Variants in SUGT1 observed in about 807,000 individuals in gnomAD.
The protein encoded by SUGT1 is protein SGT1 homolog.
A neutral mutation model predicts 56.1 loss-of-function variants in SUGT1; 15 were observed. That is an observed-to-expected ratio of 0.27 (90% CI 0.18 to 0.41). The LOEUF is 0.41. SUGT1 is among the 10% of genes least tolerant of loss of function. The pLI is 1.00. For synonymous variants in SUGT1, 123 were observed against 128.6 expected, an observed-to-expected ratio of 0.96 and a Z score of 0.30; for missense variants, 347 against 382.2, an observed-to-expected ratio of 0.91 and a Z score of 0.77.
intron 5 of SUGT1, among the ~76,000 whole-genome samples, chr13:52,659,540 G>A (rs528403761): frequency 6.6e-6 from 1 of 152,012 alleles, no homozygotes; most frequent in African/African-American, 2.4e-5. Flanking sequence ...TAATGGAGAA[G>A]TGAAAGTTTA....
chr13:52,669,290 A>T (rs1962837171), intron 10 of SUGT1, among the ~76,000 whole-genome samples: 1 of 152,206 alleles, frequency 6.6e-6, no homozygotes, highest in African/African-American at 2.4e-5. Context: ...TTTCTATTTA[A>T]GATAAACAAT....
At chr13:52,657,949 T>G in intron 3 of SUGT1, 1 of 442,034 alleles carries the variant, frequency 2.3e-6, no homozygotes. Flanking sequence ...TGGCCAGGCA[T>G]GGTGGCTCAC....
intron 2 of SUGT1, among the ~76,000 whole-genome samples, chr13:52,653,890 A>G (rs1962037684): frequency 6.6e-6 from 1 of 152,236 alleles, no homozygotes; most frequent in Non-Finnish European, 1.5e-5. Flanking sequence ...TTGAGGCAAG[A>G]CAGCGTCTTT....
intron 5 of SUGT1, 21 bp downstream of exon 5, chr13:52,659,270 T>C: frequency 7.4e-7 from 1 of 1,355,432 alleles, no homozygotes; most frequent in African/African-American, 1.6e-5. Context: ...AAAATTATAC[T>C]TTAATAAACT....
chr13:52,659,610 CTTAACA>C (rs1962326404), intron 5 of SUGT1, among the ~76,000 whole-genome samples: 1 of 151,522 alleles, frequency 6.6e-6, no homozygotes, highest in Admixed American at 6.6e-5. Context: ...GATGTGAAAT[CTTAACA>C]TTAAAGGTTT....
At chr13:52,663,820 T>G (rs1310562675) in intron 7 of SUGT1, among the ~76,000 whole-genome samples, 3 of 152,220 alleles carry the variant, frequency 2.0e-5, no homozygotes, top group East Asian at 3.8e-4. Context: ...TAAGATTTTT[T>G]AAATGCTGAG....
intron 9 of SUGT1, among the ~76,000 whole-genome samples, 194 bp downstream of exon 9, chr13:52,665,927 T>C (rs1962682309): frequency 6.6e-6 from 1 of 152,308 alleles, no homozygotes; most frequent in Middle Eastern, 3.4e-3. Context: ...TGGATGTGCA[T>C]TTTTTTCTTT....
chr13:52,684,464 C>G (rs998240770), intron 12 of SUGT1, among the ~76,000 whole-genome samples: 1 of 148,500 alleles, frequency 6.7e-6, no homozygotes, highest in Non-Finnish European at 1.5e-5. Flanking sequence ...TTTCTTCCTT[C>G]TGCTTGCTTT....
At chr13:52,670,907 G>A (rs902231375) in intron 10 of SUGT1, among the ~76,000 whole-genome samples, 1 of 152,174 alleles carries the variant, frequency 6.6e-6, no homozygotes, top group Non-Finnish European at 1.5e-5. Flanking sequence ...TTAAGTCATA[G>A]TAATTTTGCT....
chr13:52,680,185 T>C lies in SUGT1; in HGVS notation c.900+30T>C, dbSNP rs758853694. ...GAATATAAACTTAAAGAAATATATA[T>C]GGGAGCAAATTTTACATATTTTAAA... On this transcript the variant is annotated intron_variant, in intron 12 of 12. Coordinates refer to ENST00000310528, the MANE Select transcript of SUGT1 (RefSeq NM_006704.5). 2.6e-6 allele frequency: 4 copies of C among 1,526,044 alleles called. No homozygotes were observed. The South Asian group carries it at 3.9e-5, about 15-fold the overall frequency. The allele number at this position is 1,526,044 out of a possible 1,614,324, so 94.5% of individuals were successfully genotyped here.
intron 8 of SUGT1, 109 bp from the exon 9 acceptor site, chr13:52,665,526 GTT>G: frequency 1.4e-6 from 1 of 696,626 alleles, no homozygotes; most frequent in Non-Finnish European, 2.4e-6. Flanking sequence ...TTGCTTTGCT[GTT>G]TTCTTCCTCC....
chr13:52,677,187 G>C (rs770261290), intron 11 of SUGT1, among the ~76,000 whole-genome samples: 4 of 152,122 alleles, frequency 2.6e-5, no homozygotes, highest in Non-Finnish European at 4.4e-5. Context: ...TCATTTGTGT[G>C]TGTGTTTGTG....
At chr13:52,660,703 A>G (rs74911200) in intron 5 of SUGT1, among the ~76,000 whole-genome samples, 1 of 152,276 alleles carries the variant, frequency 6.6e-6, no homozygotes, top group East Asian at 1.9e-4. Context: ...CAAACAGGAC[A>G]TCTGCACTCT....
chr13:52,658,844 G>A (rs182807346), intron 4 of SUGT1, among the ~76,000 whole-genome samples: 6 of 150,192 alleles, frequency 4.0e-5, no homozygotes, highest in East Asian at 2.0e-4. Flanking sequence ...CTATGAAAGC[G>A]CTATATCTGT....
chr13:52,657,713 T>G, intron 3 of SUGT1, 91 bp downstream of exon 3: 1 of 1,202,460 alleles, frequency 8.3e-7, no homozygotes, highest in Non-Finnish European at 1.2e-6. Context: ...TTGAGAATTT[T>G]TAAATTGGTC....
At chr13:52,658,257 C>T (rs1566175217) in intron 3 of SUGT1, 142 bp from the exon 4 acceptor site, 2 of 1,517,784 alleles carry the variant, frequency 1.3e-6, no homozygotes, top group Middle Eastern at 2.0e-4. Context: ...TGAATTCTAT[C>T]TTGTATTAGC....
At chr13:52,677,193 T>TTG (rs780126339) in intron 11 of SUGT1, among the ~76,000 whole-genome samples, 7 of 151,918 alleles carry the variant, frequency 4.6e-5, no homozygotes, top group Non-Finnish European at 1.0e-4. Flanking sequence ...GTGTGTGTGT[T>TTG]TGTGTGTGTG....
At chr13:52,653,012 G>A (rs1961978812) in intron 1 of SUGT1, 34 bp from the exon 2 acceptor site, 1 of 1,614,156 alleles carries the variant, frequency 6.2e-7, no homozygotes, top group Non-Finnish European at 8.5e-7. Flanking sequence ...TCCTTGGCTA[G>A]TGAGCCCTGC....
At position 52,665,654 on chromosome 13, in the gene SUGT1, CAG is replaced by C. The variant is rs778030293; in HGVS notation, c.442_443del (p.Glu148IlefsTer16). The stretch of plus-strand genomic sequence containing the variant: ...TTTAATAGGTATGACTGGTATCAAA[CAG>C]AATCTCAAGTAGTCATTACACTTAT... On this transcript the variant is annotated frameshift_variant, in exon 9 of 13. Coordinates refer to ENST00000310528, the MANE Select transcript of SUGT1 (RefSeq NM_006704.5). LOFTEE classifies it high-confidence loss of function. 4 of 1,581,422 alleles carry C rather than the reference CAG, an allele frequency of 2.5e-6. No homozygotes were observed. The highest frequency in any genetic ancestry group is 1.2e-5 in the South Asian group (1 of 86,220).
Sources: allele counts gnomAD v4.1 joint callset (sites outside exome capture counted in the v4.1 genomes callset), GRCh38; gene constraint gnomAD v4.1.1; transcripts MANE v1.5; gene names NCBI Gene and HGNC (gene_info 2026-07-23, HGNC 2026-07-21).